The following PATJ variants were observed in gnomAD, a reference collection of about 807,000 sequenced individuals.
The protein encoded by PATJ is inaD-like protein.
A neutral mutation model predicts 224.9 loss-of-function variants in PATJ; 190 were observed. That is an observed-to-expected ratio of 0.84 (90% CI 0.75 to 0.95). PATJ has a LOEUF of 0.95. Among genes scored for constraint, PATJ ranks in the 40% least tolerant of loss-of-function variants. The pLI is 0.00. For missense variants in PATJ, 2,121 were observed against 2,270.3 expected (o/e 0.93, Z 1.34); for synonymous variants, 769 against 820.3 (o/e 0.94, Z 1.07).
In PATJ at chr1:61,901,367, G is replaced by A; in HGVS notation, c.3289G>A (p.Glu1097Lys). 6.3e-7 allele frequency: 1 copy of A among 1,589,192 alleles called. No individual in the cohort carries two copies. Among genetic ancestry groups the A allele is most frequent in the Non-Finnish European group, 8.5e-7 (1 of 1,171,238 alleles). ...QTVIKRLKNG[E>K]ELKGIFIKQV... ...TGTTATAAAACGTCTAAAGAATGGA[G>A]AGGAGCTTAAAGGTATATTCATCAA... The change falls in exon 24 of 44, where the codon GAG becomes AAG. Residue 1097 changes from glutamate to lysine, a missense_variant. Transcript: ENST00000642238.
chr1:61,978,046 A>G (rs1644240254), intron 27 of PATJ, among the ~76,000 whole-genome samples: 1 of 151,876 alleles, frequency 6.6e-6, no homozygotes, highest in Non-Finnish European at 1.5e-5. Context: ...AATACCCAGA[A>G]GTCACTTTGT....
At chr1:62,144,164 A>G (rs917604759) in intron 41 of PATJ, among the ~76,000 whole-genome samples, 1 of 152,172 alleles carries the variant, frequency 6.6e-6, no homozygotes, top group Non-Finnish European at 1.5e-5. Context: ...TCATTCCGTC[A>G]TTCTTCATGC....
intron 13 of PATJ, among the ~76,000 whole-genome samples, chr1:61,806,082 G>C (rs1653480583): frequency 6.6e-6 from 1 of 152,210 alleles, no homozygotes; most frequent in Admixed American, 6.5e-5. Context: ...GATTCATTGA[G>C]TAAGGGACTG....
At chr1:61,869,504 G>A (rs1430016399) in intron 20 of PATJ, among the ~76,000 whole-genome samples, 1 of 152,140 alleles carries the variant, frequency 6.6e-6, no homozygotes, top group Non-Finnish European at 1.5e-5. Context: ...CACCTCAAGA[G>A]GGAATGTTTG....
At chr1:62,099,571 G>T (rs1462616973) in intron 33 of PATJ, among the ~76,000 whole-genome samples, 1 of 151,778 alleles carries the variant, frequency 6.6e-6, no homozygotes, top group Non-Finnish European at 1.5e-5. Context: ...GGACTTTTAT[G>T]AGTATGGCAA....
intron 41 of PATJ, among the ~76,000 whole-genome samples, chr1:62,140,244 T>C (rs1667362276): frequency 6.6e-6 from 1 of 152,184 alleles, no homozygotes; most frequent in Non-Finnish European, 1.5e-5. Flanking sequence ...TATCAGTTTT[T>C]TTCATTTCGG....
At chr1:62,095,276 C>T (rs1661265882) in intron 33 of PATJ, among the ~76,000 whole-genome samples, 1 of 152,198 alleles carries the variant, frequency 6.6e-6, no homozygotes, top group South Asian at 2.1e-4. Context: ...CATTCTGCCT[C>T]AGGTCCTGCA....
In PATJ at chr1:62,144,777, A is replaced by AAAT. The variant is rs377489788; in HGVS notation, c.5272-3506_5272-3505insATA. Among the ~76,000 whole-genome samples the AAAT allele has an allele frequency of 3.2e-3, 381 of 119,104 alleles. 9 individuals carry two copies. Among genetic ancestry groups the AAAT allele is most frequent in the African/African-American group, 0.012 (343 of 29,312 alleles). 78.1% of individuals were successfully genotyped at this position (119,104 alleles called of 152,430 possible). On this transcript the variant is annotated intron_variant, in intron 41 of 43. Transcript: ENST00000642238. Reference sequence around the variant, plus strand: ...TAGAATGTTATTTGCAAAAAAAAAAAATATATATATATATATATAATTAGC... The same window carrying AAAT: ...TAGAATGTTATTTGCAAAAAAAAAAAAATATATATATATATATATATAATTAGC...
rs990321955 is a variant in PATJ, at chr1:62,161,269, G to A, written c.*215G>A. Reference sequence around the variant, plus strand: ...CCCAGTTCCTGTCACCTGTTGGCGAGGTTGATTTCTAAAACTTAAATGAGT... The same window carrying A: ...CCCAGTTCCTGTCACCTGTTGGCGAAGTTGATTTCTAAAACTTAAATGAGT... On this transcript the variant is annotated 3_prime_UTR_variant, in exon 44 of 44. Coordinates refer to ENST00000642238, the MANE Select transcript of PATJ (RefSeq NM_001350145.3). 3 of 383,098 alleles carry A rather than the reference G, an allele frequency of 7.8e-6. No individual in the cohort carries two copies. The Admixed American group carries it at 1.3e-4, about 17-fold the overall frequency. 23.7% of individuals were successfully genotyped at this position (383,098 alleles called of 1,614,324 possible).
intron 27 of PATJ, among the ~76,000 whole-genome samples, chr1:61,973,920 A>G (rs1683312355): frequency 6.6e-6 from 1 of 151,944 alleles, no homozygotes; most frequent in African/African-American, 2.4e-5. Flanking sequence ...AAGGACTATA[A>G]AGGCATTTTG....
chr1:62,144,530 G>C (rs936440322), intron 41 of PATJ, among the ~76,000 whole-genome samples: 6 of 151,942 alleles, frequency 3.9e-5, no homozygotes, highest in Non-Finnish European at 8.8e-5. Flanking sequence ...CAGAAGCAGA[G>C]GTAACCAAGG....
intron 13 of PATJ, among the ~76,000 whole-genome samples, chr1:61,806,648 C>A (rs2148618913): frequency 6.6e-6 from 1 of 150,694 alleles, no homozygotes; most frequent in South Asian, 2.1e-4. Context: ...TGAGTCAATA[C>A]AATTCACACT....
intron 24 of PATJ, among the ~76,000 whole-genome samples, chr1:61,902,129 G>A (rs1671253823): frequency 6.6e-6 from 1 of 152,112 alleles, no homozygotes; most frequent in Non-Finnish European, 1.5e-5. Flanking sequence ...GCTGAGACAG[G>A]AGAATCGCTG....
intron 27 of PATJ, among the ~76,000 whole-genome samples, chr1:61,933,927 G>C (rs1676418383): frequency 6.6e-6 from 1 of 150,756 alleles, no homozygotes; most frequent in South Asian, 2.1e-4. Context: ...CGCATTCGTA[G>C]TTGTTCCTTT....
At chr1:61,759,834 T>C (rs187262551) in intron 1 of PATJ, among the ~76,000 whole-genome samples, 16 of 152,342 alleles carry the variant, frequency 1.1e-4, no homozygotes, top group African/African-American at 3.8e-4. Flanking sequence ...GAAGTAAAAA[T>C]TGTACACTCT....
chr1:61,821,901 T>C (rs1195760229), intron 14 of PATJ, among the ~76,000 whole-genome samples: 2 of 152,160 alleles, frequency 1.3e-5, no homozygotes, highest in African/African-American at 4.8e-5. Flanking sequence ...CCAACAAAGA[T>C]GGGTGCAACT....
intron 31 of PATJ, among the ~76,000 whole-genome samples, chr1:62,074,066 A>G (rs1657884708): frequency 6.6e-6 from 1 of 151,912 alleles, no homozygotes; most frequent in Non-Finnish European, 1.5e-5. Context: ...AAATGTATAC[A>G]TTATTACTGT....
In PATJ at chr1:61,880,376, GAATGTTGGATACACTT is replaced by G. The variant is rs1266554432; in HGVS notation, c.2960-3858_2960-3843del. ...AATGCGTGAATGAAGAACAGCCACA[GAATGTTGGATACACTT>G]AAAGGTATTTTTGTAGCTTCAGCTT... On this transcript the variant is annotated intron_variant, in intron 21 of 43. Coordinates refer to ENST00000642238, the MANE Select transcript of PATJ (RefSeq NM_001350145.3). 9.8e-5 allele frequency among the ~76,000 whole-genome samples: 15 copies of G among 152,340 alleles called. No individual in the cohort carries two copies. In the South Asian group the frequency reaches 1.2e-3, roughly 13 times the overall value.
At chr1:62,046,887 T>G (rs1386962854) in intron 30 of PATJ, among the ~76,000 whole-genome samples, 1 of 152,206 alleles carries the variant, frequency 6.6e-6, no homozygotes, top group African/African-American at 2.4e-5. Context: ...ATTCACATCT[T>G]AAAGGATGCA....
Sources: gnomAD v4.1 joint callset for allele counts (sites outside exome capture counted in the v4.1 genomes callset) on GRCh38, gnomAD v4.1.1 for gene constraint, MANE v1.5 for transcripts, NCBI Gene and HGNC (gene_info 2026-07-23, HGNC 2026-07-21) for gene names.